Variants in ASIC2 observed in about 807,000 individuals in gnomAD.
The protein encoded by ASIC2 is acid-sensing ion channel 2.
In ASIC2, 25 loss-of-function variants were observed where a neutral mutation model predicts 57.3. That is an observed-to-expected ratio of 0.44 (90% CI 0.32 to 0.61). ASIC2 has a LOEUF of 0.61. ASIC2 is among the 20% of genes least tolerant of loss of function. The probability of loss-of-function intolerance (pLI) is 0.06; values close to 1 mark genes in which losing one functional copy is unlikely to be tolerated. For missense variants in ASIC2, 641 were observed against 738.1 expected (o/e 0.87, Z 1.52); for synonymous variants, 319 against 307.5 (o/e 1.04, Z -0.39).
chr17:33,036,619 G>A (rs1453625736), intron 3 of ASIC2, among the ~76,000 whole-genome samples: 2 of 150,524 alleles, frequency 1.3e-5, no homozygotes, highest in South Asian at 2.1e-4. Flanking sequence ...TTTTTTTTTG[G>A]TAGAGATGGA....
At chr17:33,899,146 C>G (rs1915177267) in intron 1 of ASIC2, among the ~76,000 whole-genome samples, 1 of 139,536 alleles carries the variant, frequency 7.2e-6, no homozygotes, top group South Asian at 2.3e-4. Context: ...AAAAAAAAAG[C>G]TCTAAAGGAA....
intron 1 of ASIC2, among the ~76,000 whole-genome samples, chr17:33,866,344 T>C (rs1056935906): frequency 1.3e-5 from 2 of 152,218 alleles, no homozygotes; most frequent in African/African-American, 4.8e-5. Flanking sequence ...CTGTATTATG[T>C]CAAATTCATC....
intron 3 of ASIC2, among the ~76,000 whole-genome samples, chr17:33,048,052 G>A (rs1465943358): frequency 6.6e-6 from 1 of 152,124 alleles, no homozygotes; most frequent in Non-Finnish European, 1.5e-5. Flanking sequence ...TGATAAGGTT[G>A]GAGTCCCTGG....
intron 1 of ASIC2, among the ~76,000 whole-genome samples, chr17:33,215,203 T>C (rs1175491371): frequency 6.6e-6 from 1 of 152,216 alleles, no homozygotes; most frequent in Non-Finnish European, 1.5e-5. Flanking sequence ...TGGGGAAAAG[T>C]ATTGTAAAAT....
chr17:33,331,098 C>A (rs947230775), intron 1 of ASIC2, among the ~76,000 whole-genome samples: 1 of 152,074 alleles, frequency 6.6e-6, no homozygotes, highest in African/African-American at 2.4e-5. Context: ...GTGTTAGATT[C>A]TTCTAGGAGC....
intron 1 of ASIC2, among the ~76,000 whole-genome samples, chr17:34,108,348 T>G (rs1208997681): frequency 6.6e-6 from 1 of 152,194 alleles, no homozygotes; most frequent in Admixed American, 6.5e-5. Flanking sequence ...TGATAAATTG[T>G]CTTTATCATT....
chr17:33,111,906 G>A lies in ASIC2; in HGVS notation c.859+11C>T. Reference sequence around the variant, plus strand: ...CCATCACCCAATGCCCGGTCCCTGTGCCCAGCTCACCTGTCTCTCCCCAGA... The same window carrying A: ...CCATCACCCAATGCCCGGTCCCTGTACCCAGCTCACCTGTCTCTCCCCAGA... On this transcript the variant is annotated intron_variant, in intron 2 of 9. Transcript: ENST00000225823. The A allele has an allele frequency of 6.2e-7, 1 of 1,607,184 alleles. No individual in the cohort carries two copies. Among genetic ancestry groups the A allele is most frequent in the Non-Finnish European group, 8.5e-7 (1 of 1,176,696 alleles).
chr17:33,297,078 A>G (rs190833529), upstream of ASIC2, among the ~76,000 whole-genome samples: 1 of 152,328 alleles, frequency 6.6e-6, no homozygotes, highest in Admixed American at 6.5e-5. Context: ...TAACTTTGGT[A>G]TTTCTTTCAC....
At chr17:33,206,603 G>A (rs16968157) in intron 1 of ASIC2, among the ~76,000 whole-genome samples, 3,727 of 152,208 alleles carry the variant, frequency 0.024, 148 homozygotes, top group African/African-American at 0.085. Context: ...GCTGTCTTCC[G>A]CTTTCTATCC....
At chr17:33,092,958 C>A (rs1431467415) in intron 2 of ASIC2, among the ~76,000 whole-genome samples, 1 of 152,170 alleles carries the variant, frequency 6.6e-6, no homozygotes, top group Non-Finnish European at 1.5e-5. Context: ...AGCTGTGAGC[C>A]TGCCTAGGTT....
At chr17:33,437,446 A>G (rs1001624515) in intron 1 of ASIC2, among the ~76,000 whole-genome samples, 4 of 152,132 alleles carry the variant, frequency 2.6e-5, no homozygotes, top group African/African-American at 9.7e-5. Context: ...TTTTTTTAAA[A>G]CCCACATATA....
intron 1 of ASIC2, among the ~76,000 whole-genome samples, chr17:33,863,055 G>A (rs564042803): frequency 2.6e-4 from 39 of 152,324 alleles, no homozygotes; most frequent in East Asian, 9.6e-4. Flanking sequence ...GTTCAGGAGC[G>A]CAAGTGGCAC....
chr17:33,662,644 T>TAAA (rs1202429752), intron 1 of ASIC2, among the ~76,000 whole-genome samples: 1 of 138,182 alleles, frequency 7.2e-6, no homozygotes, highest in African/African-American at 2.8e-5. Flanking sequence ...AATAAATAAA[T>TAAA]AAATAAATAA....
At chr17:33,921,249 A>C (rs939736901) in intron 1 of ASIC2, among the ~76,000 whole-genome samples, 6 of 152,160 alleles carry the variant, frequency 3.9e-5, no homozygotes, top group African/African-American at 1.4e-4. Context: ...AACTTCTCTT[A>C]GCCTCACCTA....
intron 1 of ASIC2, among the ~76,000 whole-genome samples, chr17:33,253,399 C>T (rs978572029): frequency 1.1e-4 from 16 of 152,238 alleles, no homozygotes; most frequent in South Asian, 2.1e-4. Flanking sequence ...TCATTTGTCT[C>T]GCTGGGAGTT....
At chr17:33,954,202 G>C (rs921984940) in intron 1 of ASIC2, among the ~76,000 whole-genome samples, 1 of 152,226 alleles carries the variant, frequency 6.6e-6, no homozygotes, top group Non-Finnish European at 1.5e-5. Flanking sequence ...GTGGGATGCA[G>C]CAGCGGTCAA....
chr17:33,394,676 A>T (rs1910013021), intron 1 of ASIC2, among the ~76,000 whole-genome samples: 1 of 152,162 alleles, frequency 6.6e-6, no homozygotes, highest in Non-Finnish European at 1.5e-5. Context: ...ATTTGTGGAC[A>T]GTGAGTGCCT....
chr17:33,651,143 A>T lies in ASIC2; in HGVS notation c.555+504835T>A, dbSNP rs34162836. Among the ~76,000 whole-genome samples, 1,122 of 152,310 alleles carry T rather than the reference A, an allele frequency of 7.4e-3. 10 individuals are homozygous for T. The highest frequency in any genetic ancestry group is 0.026 in the African/African-American group (1,066 of 41,562). ...ATTTTGTAGAAACACACACACACAC[A>T]CACACGAGTGCCTGCTAAACCGGTG... is the stretch of plus-strand genomic sequence containing the variant. On this transcript the variant is annotated intron_variant, in intron 1 of 9. Transcript: ENST00000359872.
chr17:33,560,096 A>C (rs941247530), intron 1 of ASIC2, among the ~76,000 whole-genome samples: 1 of 152,224 alleles, frequency 6.6e-6, no homozygotes, highest in Non-Finnish European at 1.5e-5. Flanking sequence ...AGCTCTTAAG[A>C]TGAATACAGC....
Sources: allele counts gnomAD v4.1 joint callset (sites outside exome capture counted in the v4.1 genomes callset), GRCh38; gene constraint gnomAD v4.1.1; transcripts MANE v1.5; gene names NCBI Gene and HGNC (gene_info 2026-07-23, HGNC 2026-07-21).